FRAS1: variants seen among roughly 807,000 people sequenced by gnomAD.
FRAS1 encodes Fraser extracellular matrix complex subunit 1.
A neutral mutation model predicts 435.2 loss-of-function variants in FRAS1; 290 were observed. That is an observed-to-expected ratio of 0.67 (90% CI 0.61 to 0.73). FRAS1 has a LOEUF of 0.73. Among genes scored for constraint, FRAS1 ranks in the 30% least tolerant of loss-of-function variants. The pLI is 0.00. For missense variants in FRAS1, 4,860 were observed against 5,001.5 expected (o/e 0.97, Z 0.85); for synonymous variants, 1,800 against 1,851.0 (o/e 0.97, Z 0.71).
chr4:78,479,612 T>A lies in FRAS1; in HGVS notation c.8337T>A (p.Asn2779Lys). 1 of 1,613,922 alleles carries A rather than the reference T, an allele frequency of 6.2e-7. No homozygotes were observed. Among genetic ancestry groups the A allele is most frequent in the Non-Finnish European group, 8.5e-7 (1 of 1,179,804 alleles). The change falls in exon 56 of 74, where the codon AAT (asparagine) becomes AAA (lysine). Residue 2779 changes from asparagine (N) to lysine (K), a missense_variant. Transcript: ENST00000512123. ...TTGCCTTGGCAGATGCCTCTGACAA[T>A]GCCCGCATTGGAAGGGTGGCGACAG... ...FEIALADASD[N>K]ARIGRVATAK... is the part of the protein sequence containing the mutation.
chr4:78,253,166 G>A (rs949092808), intron 5 of FRAS1, among the ~76,000 whole-genome samples: 8 of 152,054 alleles, frequency 5.3e-5, no homozygotes, highest in Non-Finnish European at 8.8e-5. Flanking sequence ...ATAATTCAGC[G>A]ATATCTCTCT....
At chr4:78,181,518 G>C in intron 2 of FRAS1, 2 of 1,611,514 alleles carry the variant, frequency 1.2e-6, no homozygotes, top group South Asian at 2.2e-5. Context: ...CCCATTCCAC[G>C]TCCACGGCCC....
At position 78,450,300 on chromosome 4, in the gene FRAS1, G is replaced by T. The variant is rs1260158721; in HGVS notation, c.6424G>T (p.Gly2142Cys). 2 of 1,613,704 alleles carry T rather than the reference G, an allele frequency of 1.2e-6. No homozygotes were observed. The highest frequency in any genetic ancestry group is 1.7e-6 in the Non-Finnish European group (2 of 1,179,790). ...CAACCTGGAGCAAATTTCTATTAAA[G>T]GCCCCATCCGAAGTTTCACCCAGGC... ...HGNLEQISIKGPIRSFTQADI... is the reference protein window; with the variant it reads ...HGNLEQISIKCPIRSFTQADI... Residue 2142 changes from glycine to cysteine, a missense_variant, in exon 45 of 74, where the codon GGC (glycine) becomes TGC (cysteine). Coordinates refer to ENST00000512123, the MANE Select transcript of FRAS1 (RefSeq NM_025074.7).
Position 78,509,000 on chromosome 4 carries a change from C to G in FRAS1, c.9774C>G (p.Asn3258Lys). Residue 3258 changes from asparagine (N) to lysine (K), a missense_variant, in exon 63 of 74, where the codon AAC (asparagine) becomes AAG (lysine). By Grantham distance (94) the Asn-to-Lys change is moderately conservative. Transcript: ENST00000512123. The stretch of plus-strand genomic sequence containing the variant: ...ACAACACACCATTCACCAGTGTCAA[C>G]CACATGGTAGGTCTGGGGGTCTGGG... ...ITDNTPFTSV[N>K]HMVLDSIYFS... is the part of the protein sequence containing the mutation. 1 of 1,613,962 alleles carries G rather than the reference C, an allele frequency of 6.2e-7. No individual in the cohort carries two copies. Among genetic ancestry groups the G allele is most frequent in the African/African-American group, 1.3e-5 (1 of 75,048 alleles).
intron 59 of FRAS1, among the ~76,000 whole-genome samples, chr4:78,491,589 A>G (rs1384752272): frequency 6.6e-6 from 1 of 152,212 alleles, no homozygotes; most frequent in Non-Finnish European, 1.5e-5. Context: ...AAGGCCTTCG[A>G]CAAACTTTAA....
intron 3 of FRAS1, among the ~76,000 whole-genome samples, chr4:78,242,803 A>G (rs1394480686): frequency 6.6e-6 from 1 of 152,312 alleles, no homozygotes; most frequent in East Asian, 1.9e-4. Context: ...TGTTTTGGCT[A>G]TGGATTGACT....
At chr4:78,196,169 G>A (rs1252427248) in intron 2 of FRAS1, among the ~76,000 whole-genome samples, 4 of 151,980 alleles carry the variant, frequency 2.6e-5, no homozygotes, top group South Asian at 2.1e-4. Flanking sequence ...CACCACACCC[G>A]GCTAATTTTT....
chr4:78,266,508 G>C (rs2110154227), intron 7 of FRAS1, among the ~76,000 whole-genome samples: 1 of 152,332 alleles, frequency 6.6e-6, no homozygotes, highest in East Asian at 1.9e-4. Context: ...GCAAAGGCAA[G>C]AGCTAAAGAA....
At chr4:78,170,474 CTAAT>C (rs914227740) in intron 2 of FRAS1, among the ~76,000 whole-genome samples, 3 of 152,078 alleles carry the variant, frequency 2.0e-5, no homozygotes, top group Non-Finnish European at 4.4e-5. Context: ...TGTAAAATGG[CTAAT>C]TATTTTCATA....
intron 2 of FRAS1, among the ~76,000 whole-genome samples, chr4:78,094,528 A>C (rs532185017): frequency 3.3e-5 from 5 of 152,018 alleles, no homozygotes; most frequent in African/African-American, 7.2e-5. Flanking sequence ...TCTGACTTTT[A>C]TCTATAATAG....
At position 78,446,822 on chromosome 4, in the gene FRAS1, A is replaced by T; in HGVS notation, c.5952A>T (p.Gln1984His). 6.2e-7 allele frequency: 1 copy of T among 1,612,954 alleles called. No individual in the cohort carries two copies. Among genetic ancestry groups the T allele is most frequent in the Non-Finnish European group, 8.5e-7 (1 of 1,179,518 alleles). ...VVISNSSLSL[Q>H]DLDTPDNELI... ...TAAGCAATTCTTCTTTGAGCCTGCAAGACCTGGACACCCCAGATAATGAGC... is the reference window on the plus strand; with the variant it reads ...TAAGCAATTCTTCTTTGAGCCTGCATGACCTGGACACCCCAGATAATGAGC... Residue 1984 changes from glutamine (Q) to histidine (H), a missense_variant, in exon 43 of 74, where the codon CAA becomes CAT. Gln to His is a conservative substitution (Grantham distance 24). Transcript: ENST00000512123.
At chr4:78,118,176 A>C (rs1029414258) in intron 2 of FRAS1, among the ~76,000 whole-genome samples, 2 of 152,116 alleles carry the variant, frequency 1.3e-5, no homozygotes, top group African/African-American at 4.8e-5. Context: ...TTGCTGCCTG[A>C]TCATTGCTCT....
chr4:78,312,894 A>G (rs1398513061), intron 15 of FRAS1, among the ~76,000 whole-genome samples: 1 of 152,018 alleles, frequency 6.6e-6, no homozygotes, highest in Non-Finnish European at 1.5e-5. Flanking sequence ...AGAAAGAAAG[A>G]AAGAAAGCTC....
In FRAS1 at chr4:78,112,817, T is replaced by A. The variant is rs1404772127; in HGVS notation, c.108+46801T>A. On this transcript the variant is annotated intron_variant, in intron 2 of 73. Transcript: ENST00000512123. ...ATTTTTTTAAATTTTTACTTTATTA[T>A]TTATTTATTTATTCATTTTTTTATT... 2.6e-4 allele frequency among the ~76,000 whole-genome samples: 40 copies of A among 151,806 alleles called. 1 individual carries two copies. Among genetic ancestry groups the A allele is most frequent in the East Asian group, 2.5e-3 (13 of 5,170 alleles).
At chr4:78,141,190 C>G (rs980077707) in intron 2 of FRAS1, among the ~76,000 whole-genome samples, 5 of 152,100 alleles carry the variant, frequency 3.3e-5, no homozygotes, top group African/African-American at 1.2e-4. Flanking sequence ...TGCTATCTCT[C>G]CCCTAGCCCC....
Position 78,387,623 on chromosome 4 carries a change from A to G in FRAS1, c.3897A>G (p.Thr1299=), listed in dbSNP as rs754687406. ...ATGCTCATGATGGTTCAGACAGCAC[A>G]TCCGATGTTGCAGTCTTGCAGGCCA... ...LHYAHDGSDS[T]SDVAVLQAND... Residue 1299 remains threonine (T), a synonymous_variant, in exon 29 of 74, where the codon ACA becomes ACG. Coordinates refer to ENST00000512123, the MANE Select transcript of FRAS1 (RefSeq NM_025074.7). The G allele has an allele frequency of 6.2e-7, 1 of 1,610,530 alleles. No homozygotes were observed. Among genetic ancestry groups the G allele is most frequent in the South Asian group, 1.1e-5 (1 of 90,676 alleles).
At chr4:78,467,488 G>A (rs924042804) in intron 50 of FRAS1, among the ~76,000 whole-genome samples, 1 of 152,118 alleles carries the variant, frequency 6.6e-6, no homozygotes, top group African/African-American at 2.4e-5. Flanking sequence ...GGACACTTAG[G>A]TTGCTTCCAA....
intron 9 of FRAS1, among the ~76,000 whole-genome samples, chr4:78,271,470 C>G (rs914314341): frequency 6.6e-6 from 1 of 152,138 alleles, no homozygotes; most frequent in African/African-American, 2.4e-5. Flanking sequence ...CCCCCTACCC[C>G]CAACCCACAA....
At chr4:78,266,184 C>T (rs115463238) in intron 7 of FRAS1, among the ~76,000 whole-genome samples, 280 of 152,002 alleles carry the variant, frequency 1.8e-3, no homozygotes, top group African/African-American at 6.7e-3. Flanking sequence ...TCAATGATGC[C>T]TTCAAGGATC....
Sources: allele counts gnomAD v4.1 joint callset (sites outside exome capture counted in the v4.1 genomes callset), GRCh38; gene constraint gnomAD v4.1.1; transcripts MANE v1.5; gene names NCBI Gene and HGNC (gene_info 2026-07-23, HGNC 2026-07-21).